The following MAGI1 variants were observed in gnomAD, a reference collection of about 807,000 sequenced individuals.
MAGI1 encodes the protein membrane-associated guanylate kinase, WW and PDZ domain-containing protein 1.
In MAGI1, 58 loss-of-function variants were observed where a neutral mutation model predicts 139.9. The ratio of observed to expected loss-of-function variants is 0.41; its 90% CI spans 0.34 to 0.52. The LOEUF is 0.52. MAGI1 is among the 20% of genes least tolerant of loss of function. The pLI is 0.12. For synonymous variants in MAGI1, 812 were observed against 737.9 expected (o/e 1.10, Z -1.63); for missense variants, 1,874 against 1,901.6 (o/e 0.99, Z 0.27).
intron 2 of MAGI1, among the ~76,000 whole-genome samples, chr3:65,515,194 G>T (rs1301896733): frequency 6.9e-6 from 1 of 145,878 alleles, no homozygotes; most frequent in Non-Finnish European, 1.5e-5. Context: ...AGCATTGGGA[G>T]ATATACCTAA....
At chr3:65,837,301 T>C (rs1415404117) in intron 1 of MAGI1, among the ~76,000 whole-genome samples, 1 of 152,204 alleles carries the variant, frequency 6.6e-6, no homozygotes, top group Non-Finnish European at 1.5e-5. Flanking sequence ...CTACAGCAGC[T>C]GTCTGAACAA....
At chr3:65,413,590 G>C (rs1217221311) in intron 12 of MAGI1, among the ~76,000 whole-genome samples, 1 of 152,126 alleles carries the variant, frequency 6.6e-6, no homozygotes, top group African/African-American at 2.4e-5. Context: ...ATGTGACTTA[G>C]AGGGAAAAAA....
intron 13 of MAGI1, among the ~76,000 whole-genome samples, chr3:65,392,859 C>T (rs1036119694): frequency 3.9e-5 from 6 of 152,132 alleles, no homozygotes; most frequent in African/African-American, 1.2e-4. Flanking sequence ...TCAATGAAGG[C>T]AAGGTAGACT....
At chr3:65,618,962 T>C (rs1204698236) in intron 2 of MAGI1, among the ~76,000 whole-genome samples, 1 of 152,196 alleles carries the variant, frequency 6.6e-6, no homozygotes, top group Non-Finnish European at 1.5e-5. Flanking sequence ...GTATTTTGAA[T>C]GGTAAATATA....
intron 2 of MAGI1, among the ~76,000 whole-genome samples, chr3:65,568,631 C>T (rs887845128): frequency 6.6e-6 from 1 of 152,190 alleles, no homozygotes; most frequent in African/African-American, 2.4e-5. Flanking sequence ...CTGTTTAGCG[C>T]CTGCTCTGGG....
chr3:65,793,277 T>C (rs750276948), intron 1 of MAGI1, among the ~76,000 whole-genome samples: 4 of 152,230 alleles, frequency 2.6e-5, no homozygotes, highest in Non-Finnish European at 5.9e-5. Context: ...TGAATCTATC[T>C]GTGACAACTT....
At chr3:65,526,391 G>A (rs1373711413) in intron 2 of MAGI1, among the ~76,000 whole-genome samples, 1 of 152,138 alleles carries the variant, frequency 6.6e-6, no homozygotes, top group Admixed American at 6.5e-5. Context: ...GGTCCCACAA[G>A]CATACCTCTA....
intron 13 of MAGI1, among the ~76,000 whole-genome samples, 195 bp from the exon 14 acceptor site, chr3:65,391,553 T>C (rs574967218): frequency 6.6e-6 from 1 of 152,104 alleles, no homozygotes; most frequent in East Asian, 1.9e-4. Context: ...AACAGAGGGG[T>C]GGGCCAGATA....
intron 1 of MAGI1, among the ~76,000 whole-genome samples, chr3:65,995,077 G>A (rs1253226708): frequency 6.6e-6 from 1 of 151,888 alleles, no homozygotes; most frequent in African/African-American, 2.4e-5. Flanking sequence ...AGTTTCTCGG[G>A]GACAAAAACA....
chr3:65,448,985 C>T (rs140078133), intron 6 of MAGI1, among the ~76,000 whole-genome samples: 28 of 152,114 alleles, frequency 1.8e-4, no homozygotes, highest in South Asian at 1.5e-3. Flanking sequence ...TACCACAATA[C>T]GCTCAGTGCC....
At chr3:65,901,403 G>A (rs558230055) in intron 1 of MAGI1, among the ~76,000 whole-genome samples, 3 of 152,294 alleles carry the variant, frequency 2.0e-5, no homozygotes, top group East Asian at 1.9e-4. Context: ...AGATATGAGC[G>A]TTGTTTTTAC....
At chr3:65,877,828 C>T (rs77119113) in intron 1 of MAGI1, among the ~76,000 whole-genome samples, 3,995 of 152,200 alleles carry the variant, frequency 0.026, 149 homozygotes, top group East Asian at 0.12. Context: ...GAACATGGGG[C>T]CAGGCATGTG....
chr3:65,963,908 A>G (rs1219014794), intron 1 of MAGI1, among the ~76,000 whole-genome samples: 3 of 152,230 alleles, frequency 2.0e-5, no homozygotes, highest in Admixed American at 6.5e-5. Flanking sequence ...CATATATTAG[A>G]CAAATACAGC....
intron 1 of MAGI1, among the ~76,000 whole-genome samples, chr3:65,952,311 T>C (rs1286286458): frequency 6.6e-6 from 1 of 152,206 alleles, no homozygotes; most frequent in Non-Finnish European, 1.5e-5. Flanking sequence ...TGTTCATGAC[T>C]CATAATTCCT....
chr3:65,363,328 G>A, intron 21 of MAGI1, 137 bp downstream of exon 21: 2 of 1,022,140 alleles, frequency 2.0e-6, no homozygotes, highest in Admixed American at 2.6e-5. Context: ...TGGTAGGGTA[G>A]GAGTCATGCA....
chr3:65,431,637 A>T (rs1022994657), intron 10 of MAGI1, among the ~76,000 whole-genome samples: 3 of 152,134 alleles, frequency 2.0e-5, no homozygotes, highest in African/African-American at 7.2e-5. Context: ...CAAAATCCCT[A>T]AACTAAGTAG....
chr3:65,660,502 G>T (rs1484857021), intron 1 of MAGI1, among the ~76,000 whole-genome samples: 2 of 152,340 alleles, frequency 1.3e-5, no homozygotes, highest in Admixed American at 6.5e-5. Flanking sequence ...GTCTTCTACA[G>T]GGAGGTCTAG....
chr3:65,967,884 C>T (rs978803225), intron 1 of MAGI1, among the ~76,000 whole-genome samples: 5 of 152,048 alleles, frequency 3.3e-5, no homozygotes, highest in Non-Finnish European at 7.3e-5. Flanking sequence ...GCTGAGCCAG[C>T]GATTAAAGGG....
intron 2 of MAGI1, among the ~76,000 whole-genome samples, chr3:65,504,549 T>A (rs547510586): frequency 6.6e-6 from 1 of 152,132 alleles, no homozygotes; most frequent in East Asian, 1.9e-4. Context: ...AAAGAAGACA[T>A]TGGGGAGGGG....
Sources: allele counts gnomAD v4.1 joint callset (sites outside exome capture counted in the v4.1 genomes callset), GRCh38; gene constraint gnomAD v4.1.1; transcripts MANE v1.5; gene names NCBI Gene and HGNC (gene_info 2026-07-23, HGNC 2026-07-21).